ZNF423: variants seen among roughly 807,000 people sequenced by gnomAD.
ZNF423 encodes Ebf-associated zinc finger protein.
In ZNF423, 12 loss-of-function variants were observed where a neutral mutation model predicts 95.8. That is an observed-to-expected ratio of 0.13 (90% confidence interval 0.08 to 0.20). The LOEUF (loss-of-function observed/expected upper bound fraction) is 0.20. Among genes scored for constraint, ZNF423 ranks in the 10% least tolerant of loss-of-function variants. ZNF423 has a pLI of 1.00. For synonymous variants in ZNF423, 749 were observed against 711.9 expected, an observed-to-expected ratio of 1.05 and a Z score of -0.83; for missense variants, 1,316 against 1,737.1, an observed-to-expected ratio of 0.76 and a Z score of 4.31.
At chr16:49,854,502 G>A in intron 1 of ZNF423, 1 of 985,466 alleles carries the variant, frequency 1.0e-6, no homozygotes, top group African/African-American at 1.7e-5. Context: ...AGCAGAACTG[G>A]GCTCAGGCCA....
rs1335801249 is a variant in ZNF423 at position 49,637,175 on chromosome 16, C to T, written c.2001G>A (p.Leu667=). Residue 667 remains leucine (L), a synonymous_variant, in exon 4 of 8, where the codon CTG becomes CTA. Transcript: ENST00000563137. The surrounding 1 kb of genome is among the most constrained non-coding windows in gnomAD (Gnocchi z 5.6). ...THLKLHLELL[L]RKQACPQCKE... ...TGCACTGGGGGCACGCTTGCTTCCG[C>T]AGCAGCAGCTCCAGGTGCAGCTTCA... The T allele has an allele frequency of 1.2e-6, 2 of 1,613,830 alleles. No homozygotes were observed. Among genetic ancestry groups the T allele is most frequent in the Non-Finnish European group, 1.7e-6 (2 of 1,180,040 alleles).
At chr16:49,565,635 G>C (rs953893705) in intron 5 of ZNF423, among the ~76,000 whole-genome samples, 5 of 152,180 alleles carry the variant, frequency 3.3e-5, no homozygotes, top group Non-Finnish European at 7.3e-5. Context: ...TCTCAAATCT[G>C]CTGGTGCCAT....
Position 49,855,526 on chromosome 16 carries a change from G to GCCGCCGCCGCCGCCT in ZNF423, c.40+208_40+209insAGGCGGCGGCGGCGG, listed in dbSNP as rs2035354847. ...GCGTACCCCCTCCGCCGCCGCCGCC[G>GCCGCCGCCGCCGCCT]CCGCCGCCGCCTCCGCCTCCTGCTC... On this transcript the variant is annotated intron_variant, in intron 1 of 7. Coordinates refer to ENST00000563137, the MANE Select transcript of ZNF423 (RefSeq NM_001379286.1). This position sits in a 1 kb window ranked among gnomAD's most constrained non-coding sequence, Gnocchi z 4.7. Among the ~76,000 whole-genome samples, 1 of 145,082 alleles carries GCCGCCGCCGCCGCCT rather than the reference G, an allele frequency of 6.9e-6. No homozygotes were observed. The highest frequency in any genetic ancestry group is 6.8e-5 in the Admixed American group (1 of 14,730).
chr16:49,747,411 T>C (rs2033548670), intron 2 of ZNF423, among the ~76,000 whole-genome samples: 1 of 152,208 alleles, frequency 6.6e-6, no homozygotes, highest in African/African-American at 2.4e-5. Context: ...ATCAGTAGTA[T>C]TTAAATACCA....
chr16:49,519,310 A>T lies in ZNF423; in HGVS notation c.3849+4314T>A, dbSNP rs183041191. Among the ~76,000 whole-genome samples, 34 of 152,252 alleles carry T rather than the reference A, an allele frequency of 2.2e-4. 1 individual carries two copies. The highest frequency in any genetic ancestry group is 6.0e-4 in the African/African-American group (25 of 41,546). On this transcript the variant is annotated intron_variant, in intron 7 of 7. Coordinates refer to ENST00000563137, the MANE Select transcript of ZNF423 (RefSeq NM_001379286.1). ...TTCTTGGGTAAACACTAAGAGTGGGATTACTGGGTCTAACGGTAAATGAAC... is the reference window on the plus strand; with the variant it reads ...TTCTTGGGTAAACACTAAGAGTGGGTTTACTGGGTCTAACGGTAAATGAAC...
At chr16:49,730,423 C>T (rs1334530082) in intron 3 of ZNF423, among the ~76,000 whole-genome samples, 1 of 152,206 alleles carries the variant, frequency 6.6e-6, no homozygotes, top group African/African-American at 2.4e-5. Flanking sequence ...ACTTAAGCTG[C>T]TTAACTTTGC....
Position 49,603,708 on chromosome 16 carries a change from C to A in ZNF423, c.3601+22462G>T, listed in dbSNP as rs1567497904. Among the ~76,000 whole-genome samples the A allele has an allele frequency of 6.6e-6, 1 of 152,230 alleles. No homozygotes were observed. The highest frequency in any genetic ancestry group is 1.9e-4 in the East Asian group (1 of 5,196). On this transcript the variant is annotated intron_variant, in intron 5 of 7. Coordinates refer to ENST00000563137, the MANE Select transcript of ZNF423 (RefSeq NM_001379286.1). This position sits in a 1 kb window ranked among gnomAD's most constrained non-coding sequence, Gnocchi z 4.1. The stretch of plus-strand genomic sequence containing the variant: ...TATGGGTGTAAGCCACCATGCCCGG[C>A]CTAGAAATTCTTAATAATTTTCTGA...
chr16:49,812,152 A>G (rs868567823), intron 1 of ZNF423, among the ~76,000 whole-genome samples: 1 of 152,238 alleles, frequency 6.6e-6, no homozygotes, highest in Non-Finnish European at 1.5e-5. Flanking sequence ...TGCACAGGCA[A>G]GAAAACCTAT....
intron 7 of ZNF423, among the ~76,000 whole-genome samples, chr16:49,491,720 C>T (rs1353650110): frequency 3.9e-5 from 6 of 152,120 alleles, no homozygotes; most frequent in Admixed American, 3.9e-4. Context: ...AGGCTGCCCT[C>T]GCATCCCCCT....
chr16:49,854,263 C>T (rs1198294808), intron 1 of ZNF423: 18 of 985,318 alleles, frequency 1.8e-5, no homozygotes, highest in Non-Finnish European at 1.9e-5. Flanking sequence ...AGGAACGGGC[C>T]GGGCGCTCCG....
At chr16:49,591,746 A>C (rs1971016648) in intron 5 of ZNF423, among the ~76,000 whole-genome samples, 1 of 152,240 alleles carries the variant, frequency 6.6e-6, no homozygotes, top group Admixed American at 6.5e-5. Context: ...GAAACCAAAC[A>C]CAAGTGTGCA....
chr16:49,662,114 C>A (rs1334288638), intron 3 of ZNF423, among the ~76,000 whole-genome samples: 1 of 152,210 alleles, frequency 6.6e-6, no homozygotes, highest in Non-Finnish European at 1.5e-5. Context: ...ACCCCCACTC[C>A]CAGGTTACCC....
intron 5 of ZNF423, among the ~76,000 whole-genome samples, chr16:49,586,794 C>T (rs192542969): frequency 6.6e-6 from 1 of 152,308 alleles, no homozygotes; most frequent in African/African-American, 2.4e-5. Flanking sequence ...CCAGGGAGAA[C>T]CGGGAGCTGG....
intron 3 of ZNF423, among the ~76,000 whole-genome samples, chr16:49,696,751 C>T (rs1318556521): frequency 3.9e-5 from 6 of 151,934 alleles, no homozygotes; most frequent in Admixed American, 3.9e-4. Context: ...AAGTGCCTGA[C>T]CTCAGGCAAG....
rs1417437307 is a variant in ZNF423, at chr16:49,635,973, A to G, written c.3203T>C (p.Leu1068Pro). ...CAGGGCGCACTTGTAGAGCTTCTGC[A>G]GCCCCTGGCCATTGGGGGAGGACGC... ...SAASSPNGQG[L>P]QKLYKCALCL... The change falls in exon 4 of 8, where the codon CTG becomes CCG. Residue 1068 changes from leucine (L) to proline (P), a missense_variant. By Grantham distance (98) the Leu-to-Pro change is moderately conservative. Coordinates refer to ENST00000563137, the MANE Select transcript of ZNF423 (RefSeq NM_001379286.1). This position sits in a 1 kb window ranked among gnomAD's most constrained non-coding sequence, Gnocchi z 4.8. The G allele has an allele frequency of 1.4e-5, 23 of 1,598,834 alleles. No individual in the cohort carries two copies. Among genetic ancestry groups the G allele is most frequent in the Non-Finnish European group, 1.6e-5 (19 of 1,171,102 alleles).
chr16:49,804,482 G>A (rs995948928), intron 1 of ZNF423, among the ~76,000 whole-genome samples: 1 of 152,094 alleles, frequency 6.6e-6, no homozygotes, highest in East Asian at 1.9e-4. Context: ...ACCCAGTCTA[G>A]CATCACCTGG....
chr16:49,810,338 T>C lies in ZNF423; in HGVS notation c.41-20792A>G, dbSNP rs1349278255. Among the ~76,000 whole-genome samples, 3 of 152,138 alleles carry C rather than the reference T, an allele frequency of 2.0e-5. No homozygotes were observed. In the East Asian group the frequency reaches 5.8e-4, roughly 29 times the overall value. ...ACCTGCTCCCTTCCAGGCAACCACC[T>C]TCCTGTCTCAGGACCTCTGCCACTG... On this transcript the variant is annotated intron_variant, in intron 1 of 7. Transcript: ENST00000563137.
chr16:49,756,395 T>C (rs568142151), intron 2 of ZNF423, among the ~76,000 whole-genome samples: 3 of 152,152 alleles, frequency 2.0e-5, no homozygotes, highest in South Asian at 2.1e-4. Flanking sequence ...AATGACAAAA[T>C]ACACATCTTA....
At chr16:49,706,676 T>C (rs751022295) in intron 3 of ZNF423, among the ~76,000 whole-genome samples, 1 of 152,192 alleles carries the variant, frequency 6.6e-6, no homozygotes, top group African/African-American at 2.4e-5. Flanking sequence ...AAGAGCAACA[T>C]GGAAGAAAAA....
Sources: gnomAD v4.1 joint callset for allele counts (sites outside exome capture counted in the v4.1 genomes callset) on GRCh38, gnomAD v4.1.1 for gene constraint, Gnocchi (gnomAD v3.1) non-coding constraint, MANE v1.5 for transcripts, NCBI Gene and HGNC (gene_info 2026-07-23, HGNC 2026-07-21) for gene names.